The following CSMD3 variants were observed in gnomAD, a reference collection of about 807,000 sequenced individuals.
The protein encoded by CSMD3 is CUB and Sushi multiple domains 3.
A neutral mutation model predicts 435.2 loss-of-function variants in CSMD3; 177 were observed. The observed-to-expected ratio is 0.41, with a 90% confidence interval of 0.36 to 0.46. The LOEUF (loss-of-function observed/expected upper bound fraction) is 0.46, where lower values mean the gene tolerates loss of function less well. CSMD3 is among the 20% of genes least tolerant of loss of function. CSMD3 has a pLI of 0.34. For missense variants in CSMD3, 4,265 were observed against 4,504.6 expected, an observed-to-expected ratio of 0.95 and a Z score of 1.52; for synonymous variants, 1,656 against 1,520.5, an observed-to-expected ratio of 1.09 and a Z score of -2.07.
intron 6 of CSMD3, among the ~76,000 whole-genome samples, chr8:112,984,895 C>T (rs915108297): frequency 6.6e-6 from 1 of 152,066 alleles, no homozygotes; most frequent in African/African-American, 2.4e-5. Context: ...ACCATCCTAA[C>T]TGTAAAAGGT....
chr8:112,994,840 G>A (rs1480577038), intron 6 of CSMD3, among the ~76,000 whole-genome samples: 2 of 151,490 alleles, frequency 1.3e-5, no homozygotes, highest in Non-Finnish European at 3.0e-5. Context: ...ACATGATGGA[G>A]AATGTTGACT....
At chr8:112,978,803 T>G (rs541721952) in intron 6 of CSMD3, among the ~76,000 whole-genome samples, 2 of 152,092 alleles carry the variant, frequency 1.3e-5, no homozygotes, top group Admixed American at 1.3e-4. Flanking sequence ...GCTAAAATTT[T>G]TGTATATTGA....
chr8:112,897,686 CTCTCTCTCTGTGTG>C (rs1424377274), intron 10 of CSMD3, among the ~76,000 whole-genome samples: 133 of 89,070 alleles, frequency 1.5e-3, no homozygotes, highest in Middle Eastern at 9.9e-3. Flanking sequence ...CTCTCTCTCT[CTCTCTCTCTGTGTG>C]TGTGTGTGTG....
At chr8:112,384,947 T>G (rs1478780243) in intron 36 of CSMD3, among the ~76,000 whole-genome samples, 1 of 152,186 alleles carries the variant, frequency 6.6e-6, no homozygotes, top group Admixed American at 6.5e-5. Context: ...GAGTTGACAT[T>G]TGGGCTAAGC....
At chr8:112,699,012 T>TA (rs1287369910) in intron 13 of CSMD3, among the ~76,000 whole-genome samples, 12 of 151,990 alleles carry the variant, frequency 7.9e-5, no homozygotes, top group African/African-American at 2.9e-4. Context: ...CAGCACTCTA[T>TA]AAAATGGACC....
At chr8:112,290,653 A>G (rs938518185) in intron 56 of CSMD3, among the ~76,000 whole-genome samples, 1 of 152,044 alleles carries the variant, frequency 6.6e-6, no homozygotes, top group Non-Finnish European at 1.5e-5. Context: ...AATCCTCTAA[A>G]TGAAGCATAA....
intron 17 of CSMD3, among the ~76,000 whole-genome samples, chr8:112,662,452 G>A (rs1239299555): frequency 6.6e-6 from 1 of 151,932 alleles, no homozygotes; most frequent in African/African-American, 2.4e-5. Context: ...AATGGTGCTG[G>A]GAAAACTGGC....
At chr8:112,518,253 C>T (rs1377402501) in intron 27 of CSMD3, among the ~76,000 whole-genome samples, 3 of 151,882 alleles carry the variant, frequency 2.0e-5, no homozygotes, top group South Asian at 4.1e-4. Flanking sequence ...GTAATCCCAG[C>T]ACTTTGGGAC....
chr8:113,190,051 T>C (rs2092562308), intron 3 of CSMD3, among the ~76,000 whole-genome samples: 1 of 151,752 alleles, frequency 6.6e-6, no homozygotes. Flanking sequence ...TATTCATTTA[T>C]TTACTTATTA....
intron 10 of CSMD3, among the ~76,000 whole-genome samples, chr8:112,920,503 T>G (rs2082702091): frequency 6.6e-6 from 1 of 151,962 alleles, no homozygotes; most frequent in African/African-American, 2.4e-5. Flanking sequence ...TATTTAAATT[T>G]GAGGTGTAGA....
intron 10 of CSMD3, among the ~76,000 whole-genome samples, chr8:112,907,391 C>G (rs529038523): frequency 6.6e-6 from 1 of 151,416 alleles, no homozygotes; most frequent in African/African-American, 2.4e-5. Flanking sequence ...GTGAAAATAA[C>G]ATAGAGCTGG....
At position 112,306,116 on chromosome 8, in the gene CSMD3, A is replaced by G. The variant is rs2130787632; in HGVS notation, c.7962T>C (p.Val2654=). The G allele has an allele frequency of 6.2e-7, 1 of 1,613,308 alleles. No individual in the cohort carries two copies. Among genetic ancestry groups the G allele is most frequent in the Non-Finnish European group, 8.5e-7 (1 of 1,179,370 alleles). Reference sequence around the variant, plus strand: ...GATATCCATCATTACAAAAATAGGTAACTCGCGTTCCTACCAAATAGTCTG... The same window carrying G: ...GATATCCATCATTACAAAAATAGGTGACTCGCGTTCCTACCAAATAGTCTG... The part of the protein sequence containing the change: ...LTTDYLVGTR[V]TYFCNDGYRL... The change falls in exon 51 of 71, where the codon GTT becomes GTC. Residue 2654 remains valine (V), a synonymous_variant. Coordinates refer to ENST00000297405, the MANE Select transcript of CSMD3 (RefSeq NM_198123.2).
intron 10 of CSMD3, among the ~76,000 whole-genome samples, chr8:112,891,129 A>G (rs1276296831): frequency 6.6e-6 from 1 of 151,566 alleles, no homozygotes; most frequent in Non-Finnish European, 1.5e-5. Flanking sequence ...ACCTCCTGGG[A>G]CTTGTAACAT....
chr8:113,408,543 T>C (rs1279792421), intron 1 of CSMD3, among the ~76,000 whole-genome samples: 1 of 152,132 alleles, frequency 6.6e-6, no homozygotes, highest in Non-Finnish European at 1.5e-5. Context: ...AGTGAAGATA[T>C]TGTCTGATCT....
At position 112,652,282 on chromosome 8, in the gene CSMD3, C is replaced by T. The variant is rs527516566; in HGVS notation, c.3005-1933G>A. Among the ~76,000 whole-genome samples, 152 of 152,230 alleles carry T rather than the reference C, an allele frequency of 1.0e-3. 2 individuals carry two copies. In the South Asian group the frequency reaches 0.029, roughly 29 times the overall value. ...CCTTCAGTTGTCCTCTTAATGTACACAATCTTCTCAACCTTTAACAGAAAA... is the reference window on the plus strand; with the variant it reads ...CCTTCAGTTGTCCTCTTAATGTACATAATCTTCTCAACCTTTAACAGAAAA... On this transcript the variant is annotated intron_variant, in intron 18 of 70. Coordinates refer to ENST00000297405, the MANE Select transcript of CSMD3 (RefSeq NM_198123.2).
intron 3 of CSMD3, among the ~76,000 whole-genome samples, chr8:113,267,397 G>A (rs903160198): frequency 1.3e-5 from 2 of 151,602 alleles, no homozygotes; most frequent in African/African-American, 2.4e-5. Context: ...ACACACAATG[G>A]AATACTATTT....
chr8:112,666,428 A>G lies in CSMD3; in HGVS notation c.2678-13T>C, dbSNP rs2075527073. The G allele has an allele frequency of 1.2e-6, 2 of 1,609,756 alleles. No homozygotes were observed. Among genetic ancestry groups the G allele is most frequent in the Non-Finnish European group, 8.5e-7 (1 of 1,177,218 alleles). The stretch of plus-strand genomic sequence containing the variant: ...CCACCACATGGGGCTGAAAAATTAA[A>G]TCAGACAAGTAAGAATAAAACATTC... On this transcript the variant is annotated splice_polypyrimidine_tract_variant and intron_variant, in intron 16 of 70. Coordinates refer to ENST00000297405, the MANE Select transcript of CSMD3 (RefSeq NM_198123.2).
chr8:112,526,908 A>T (rs1340032876), intron 27 of CSMD3, among the ~76,000 whole-genome samples: 1 of 151,952 alleles, frequency 6.6e-6, no homozygotes, highest in African/African-American at 2.4e-5. Context: ...AGGTTTGTCT[A>T]TTTGACATAA....
intron 2 of CSMD3, among the ~76,000 whole-genome samples, chr8:113,306,224 C>T (rs1409880196): frequency 6.6e-6 from 1 of 152,058 alleles, no homozygotes; most frequent in Non-Finnish European, 1.5e-5. Flanking sequence ...CACTCTATGC[C>T]ATTGAGTCAG....
Sources: gnomAD v4.1 joint callset for allele counts (sites outside exome capture counted in the v4.1 genomes callset) on GRCh38, gnomAD v4.1.1 for gene constraint, MANE v1.5 for transcripts, NCBI Gene and HGNC (gene_info 2026-07-23, HGNC 2026-07-21) for gene names.